Variants in SLC4A5 observed in about 807,000 individuals in gnomAD.
SLC4A5 encodes the protein solute carrier family 4 member 5.
Under a neutral mutation model 120.4 loss-of-function variants are expected in SLC4A5, and 96 were observed. The observed-to-expected ratio is 0.80, with a 90% confidence interval of 0.68 to 0.94. The LOEUF (loss-of-function observed/expected upper bound fraction) is 0.94, where lower values mean the gene tolerates loss of function less well. SLC4A5 is among the 40% of genes least tolerant of loss of function. SLC4A5 has a pLI of 0.00. For missense variants in SLC4A5, 1,259 were observed against 1,459.5 expected, an observed-to-expected ratio of 0.86 and a Z score of 2.24; for synonymous variants, 550 against 571.1, an observed-to-expected ratio of 0.96 and a Z score of 0.53.
intron 3 of SLC4A5, among the ~76,000 whole-genome samples, 183 bp from the exon 4 acceptor site, chr2:74,334,360 T>C (rs1408411627): frequency 6.6e-6 from 1 of 152,132 alleles, no homozygotes; most frequent in African/African-American, 2.4e-5. Flanking sequence ...AGTCTTGCTG[T>C]TCCTCTAACA....
At chr2:74,218,267 C>A (rs1459908412) in exon 31 of SLC4A5, 1 of 148,798 alleles carries the variant, frequency 6.7e-6, no homozygotes, top group African/African-American at 2.5e-5. Context: ...ATATTTAAAT[C>A]TAACCTTTAA....
intron 6 of SLC4A5, among the ~76,000 whole-genome samples, chr2:74,308,208 TG>T (rs1489902366): frequency 6.6e-6 from 1 of 152,222 alleles, no homozygotes; most frequent in Admixed American, 6.5e-5. Flanking sequence ...GGCTTCTATG[TG>T]AACATAATTT....
At chr2:74,238,341 C>T (rs915945311) in intron 21 of SLC4A5, among the ~76,000 whole-genome samples, 1 of 151,924 alleles carries the variant, frequency 6.6e-6, no homozygotes, top group Non-Finnish European at 1.5e-5. Flanking sequence ...AAAGATAATC[C>T]CATCAAAATT....
At chr2:74,273,650 A>G (rs1318376592) in intron 8 of SLC4A5, among the ~76,000 whole-genome samples, 3 of 152,236 alleles carry the variant, frequency 2.0e-5, no homozygotes, top group Non-Finnish European at 4.4e-5. Flanking sequence ...AAAGTAAGAA[A>G]TGTAAGTTTT....
At chr2:74,281,122 T>C (rs543830060) in intron 8 of SLC4A5, among the ~76,000 whole-genome samples, 17 of 152,320 alleles carry the variant, frequency 1.1e-4, no homozygotes, top group Admixed American at 1.0e-3. Flanking sequence ...TGATCTGGTT[T>C]GACCCAACAA....
At chr2:74,251,022 G>A (rs1316182787) in intron 16 of SLC4A5, among the ~76,000 whole-genome samples, 1 of 152,152 alleles carries the variant, frequency 6.6e-6, no homozygotes, top group Non-Finnish European at 1.5e-5. Flanking sequence ...TTTTAGGTTT[G>A]GAGACACTGT....
intron 6 of SLC4A5, among the ~76,000 whole-genome samples, chr2:74,311,198 T>C (rs1377509297): frequency 1.3e-5 from 2 of 152,158 alleles, no homozygotes; most frequent in East Asian, 3.8e-4. Context: ...CCTTTTTTCC[T>C]TGGTTAGCCT....
chr2:74,298,469 C>A (rs1393477144), intron 7 of SLC4A5, among the ~76,000 whole-genome samples: 1 of 152,124 alleles, frequency 6.6e-6, no homozygotes. Flanking sequence ...CATAAAAGTG[C>A]TAAAGGAAAA....
chr2:74,265,619 A>G (rs1671278630), intron 8 of SLC4A5, among the ~76,000 whole-genome samples: 1 of 152,240 alleles, frequency 6.6e-6, no homozygotes, highest in African/African-American at 2.4e-5. Flanking sequence ...AAGTTATTCT[A>G]GAACAATAAA....
intron 8 of SLC4A5, among the ~76,000 whole-genome samples, chr2:74,274,626 C>A (rs531322501): frequency 2.0e-5 from 3 of 152,182 alleles, no homozygotes; most frequent in African/African-American, 7.2e-5. Context: ...GCACCCACCC[C>A]GGTCCAGGCT....
intron 8 of SLC4A5, among the ~76,000 whole-genome samples, chr2:74,283,340 T>C (rs1671871808): frequency 6.6e-6 from 1 of 152,170 alleles, no homozygotes; most frequent in Non-Finnish European, 1.5e-5. Flanking sequence ...ACTGTGCAAC[T>C]TGCAGGAGAC....
chr2:74,218,701 C>T (rs1694517940), exon 31 of SLC4A5: 3 of 152,678 alleles, frequency 2.0e-5, no homozygotes, highest in Admixed American at 1.3e-4. Flanking sequence ...GACTCCATCT[C>T]TATCTTCACC....
chr2:74,295,975 A>G (rs959390924), intron 7 of SLC4A5, among the ~76,000 whole-genome samples: 1 of 152,288 alleles, frequency 6.6e-6, no homozygotes, highest in East Asian at 1.9e-4. Context: ...AGGAGGCTGG[A>G]GTCTATTTTA....
At chr2:74,281,780 C>G (rs1424813416) in intron 8 of SLC4A5, among the ~76,000 whole-genome samples, 1 of 152,172 alleles carries the variant, frequency 6.6e-6, no homozygotes, top group Non-Finnish European at 1.5e-5. Flanking sequence ...GAGATTTTCA[C>G]TCTGTTAATC....
chr2:74,326,824 G>A (rs957042833), intron 5 of SLC4A5, among the ~76,000 whole-genome samples: 2 of 151,994 alleles, frequency 1.3e-5, no homozygotes, highest in African/African-American at 4.8e-5. Context: ...AACACCTTAA[G>A]CCTGTAAGAC....
chr2:74,265,312 A>C (rs377523094), intron 8 of SLC4A5, 48 bp from the exon 9 acceptor site: 48 of 1,591,320 alleles, frequency 3.0e-5, no homozygotes, highest in Non-Finnish European at 4.1e-5. Flanking sequence ...CCTCAGGAGG[A>C]GGCCTCACCT....
At chr2:74,300,339 C>G (rs1672442465) in intron 7 of SLC4A5, among the ~76,000 whole-genome samples, 1 of 152,118 alleles carries the variant, frequency 6.6e-6, no homozygotes, top group African/African-American at 2.4e-5. Context: ...GTGTTCTTAC[C>G]ATACACTCGC....
intron 10 of SLC4A5, among the ~76,000 whole-genome samples, 173 bp downstream of exon 10, chr2:74,263,974 C>T (rs984805517): frequency 3.3e-5 from 5 of 152,272 alleles, no homozygotes; most frequent in African/African-American, 1.2e-4. Context: ...GTGGGAACAA[C>T]ACGGGAGTGT....
intron 26 of SLC4A5, 151 bp from the exon 27 acceptor site, chr2:74,227,281 T>C (rs969623867): frequency 2.0e-6 from 2 of 1,017,002 alleles, no homozygotes; most frequent in African/African-American, 3.3e-5. Flanking sequence ...GCTGGAGGTG[T>C]CTAGGCGGAT....
Sources: gnomAD v4.1 joint callset for allele counts (sites outside exome capture counted in the v4.1 genomes callset) on GRCh38, gnomAD v4.1.1 for gene constraint, MANE v1.5 for transcripts, NCBI Gene and HGNC (gene_info 2026-07-23, HGNC 2026-07-21) for gene names.